Variants in FLVCR1 observed in about 807,000 individuals in gnomAD.
FLVCR1 encodes the protein FLVCR choline and heme transporter 1.
A neutral mutation model predicts 53.6 loss-of-function variants in FLVCR1; 34 were observed. That is an observed-to-expected ratio of 0.63 (90% CI 0.48 to 0.84). FLVCR1 has a LOEUF of 0.84. Ranked by LOEUF, FLVCR1 falls within the 40% of genes least tolerant of loss-of-function variation. The pLI is 0.00. For synonymous variants in FLVCR1, 300 were observed against 286.3 expected (o/e 1.05, Z -0.48); for missense variants, 677 against 696.7 (o/e 0.97, Z 0.32).
intron 2 of FLVCR1, among the ~76,000 whole-genome samples, chr1:212,867,683 A>G (rs17019818): frequency 0.23 from 34,304 of 152,128 alleles, 4,508 homozygotes; most frequent in East Asian, 0.45. Flanking sequence ...TCATGTGTCA[A>G]TTAAAATACT....
At chr1:212,866,458 A>G (rs1347747622) in intron 2 of FLVCR1, among the ~76,000 whole-genome samples, 1 of 140,428 alleles carries the variant, frequency 7.1e-6, no homozygotes, top group Non-Finnish European at 1.5e-5. Flanking sequence ...GTGTCTTCAC[A>G]TAAATTCTGA....
intron 6 of FLVCR1, 140 bp from the exon 7 acceptor site, chr1:212,888,349 G>T: frequency 1.4e-6 from 1 of 709,284 alleles, no homozygotes; most frequent in South Asian, 1.5e-5. Flanking sequence ...AATGATAATA[G>T]TTCCTTACTT....
intron 2 of FLVCR1, 141 bp downstream of exon 2, chr1:212,864,010 A>G (rs1664335557): frequency 1.4e-6 from 1 of 732,038 alleles, no homozygotes; most frequent in South Asian, 1.5e-5. Context: ...TGCTCAGGTA[A>G]TGAATGCTAC....
At chr1:212,873,118 G>A (rs188450690) in intron 3 of FLVCR1, among the ~76,000 whole-genome samples, 160 of 152,174 alleles carry the variant, frequency 1.1e-3, no homozygotes, top group Non-Finnish European at 1.4e-3. Flanking sequence ...GTCAGGACTA[G>A]CATGGTGAAC....
At chr1:212,884,142 A>C (rs577313997) in intron 4 of FLVCR1, among the ~76,000 whole-genome samples, 2 of 152,310 alleles carry the variant, frequency 1.3e-5, no homozygotes, top group Admixed American at 1.3e-4. Context: ...TCTACCAAAA[A>C]TACAAAATTA....
chr1:212,865,777 C>T (rs566545762), intron 2 of FLVCR1, among the ~76,000 whole-genome samples: 26 of 150,866 alleles, frequency 1.7e-4, no homozygotes, highest in African/African-American at 5.4e-4. Context: ...CCACCAGGCC[C>T]GGCCAGCAAT....
chr1:212,888,127 C>A, intron 6 of FLVCR1, 126 bp downstream of exon 6: 1 of 657,012 alleles, frequency 1.5e-6, no homozygotes, highest in Non-Finnish European at 2.7e-6. Context: ...TTAAAGGATT[C>A]ATTCTATGCA....
chr1:212,874,092 C>T (rs923837425), intron 3 of FLVCR1, among the ~76,000 whole-genome samples: 38 of 152,178 alleles, frequency 2.5e-4, no homozygotes, highest in Non-Finnish European at 3.2e-4. Context: ...ATTGCAACCT[C>T]TGCCTCCCGG....
chr1:212,871,904 C>T (rs1664609715), intron 2 of FLVCR1, among the ~76,000 whole-genome samples: 1 of 152,090 alleles, frequency 6.6e-6, no homozygotes, highest in Non-Finnish European at 1.5e-5. Flanking sequence ...TTAGCTCTAC[C>T]CCTGTACTTT....
Position 212,888,015 on chromosome 1 carries a change from G to T in FLVCR1, c.1307+14G>T, listed in dbSNP as rs747174876. The T allele has an allele frequency of 8.8e-6, 12 of 1,363,832 alleles. No individual in the cohort carries two copies. Among genetic ancestry groups the T allele is most frequent in the Admixed American group, 1.7e-5 (1 of 59,678 alleles). 84.5% of individuals were successfully genotyped at this position (1,363,832 alleles called of 1,614,324 possible). ...AGGGGTGCTTGGGTAAGTATCAGAT[G>T]TGTTTAGGAGGAATGATAGCATGCT... On this transcript the variant is annotated intron_variant, in intron 6 of 9. Transcript: ENST00000366971.
rs58243050 is a variant in FLVCR1 at position 212,878,533 on chromosome 1, CAAA to C, written c.1025-4819_1025-4817del. ...TGGGCGACAGAGTGAGTCTCCGTCT[CAAA>C]AAAAAAAAAAAAAAAAAATACAAGA... On this transcript the variant is annotated intron_variant, in intron 3 of 9. Coordinates refer to ENST00000366971, the MANE Select transcript of FLVCR1 (RefSeq NM_014053.4). Among the ~76,000 whole-genome samples the C allele has an allele frequency of 2.3e-3, 254 of 112,814 alleles. 1 individual carries two copies. Among genetic ancestry groups the C allele is most frequent in the African/African-American group, 7.8e-3 (208 of 26,770 alleles). 74.0% of individuals were successfully genotyped at this position (112,814 alleles called of 152,430 possible).
At chr1:212,873,232 G>C (rs758874342) in intron 3 of FLVCR1, among the ~76,000 whole-genome samples, 5 of 151,210 alleles carry the variant, frequency 3.3e-5, no homozygotes, top group Admixed American at 6.6e-5. Context: ...AGAATCGCTT[G>C]AACCTAGAAG....
chr1:212,891,910 C>T (rs1665203608), intron 8 of FLVCR1, among the ~76,000 whole-genome samples: 1 of 152,196 alleles, frequency 6.6e-6, no homozygotes, highest in Non-Finnish European at 1.5e-5. Context: ...AATGATAAAA[C>T]AGCCTATTGA....
chr1:212,860,350 G>GTTTTTTTTTTGTTTTTTTTTTTTTTT (rs1664187293), intron 1 of FLVCR1, among the ~76,000 whole-genome samples: 1 of 85,824 alleles, frequency 1.2e-5, no homozygotes, highest in African/African-American at 3.8e-5. Context: ...TGTGTGTGTG[G>GTTTTTTTTTTGTTTTTTTTTTTTTTT]TTTTTTTTTT....
chr1:212,878,228 C>T (rs185217329), intron 3 of FLVCR1, among the ~76,000 whole-genome samples: 5 of 152,202 alleles, frequency 3.3e-5, no homozygotes, highest in South Asian at 2.1e-4. Flanking sequence ...AGAGACCAGG[C>T]GCGGTGGCTC....
chr1:212,867,418 C>T (rs748500783), intron 2 of FLVCR1, among the ~76,000 whole-genome samples: 1 of 152,140 alleles, frequency 6.6e-6, no homozygotes, highest in Non-Finnish European at 1.5e-5. Context: ...TACCAATATT[C>T]CCATTTTATA....
At position 212,895,018 on chromosome 1, in the gene FLVCR1, A is replaced by G; in HGVS notation, c.1558A>G (p.Ile520Val). Reference protein sequence around the residue: ...LIKSDLRRHNINIGITNVDVK... With the variant: ...LIKSDLRRHNVNIGITNVDVK... ...CAAGTCTGATCTGCGAAGACACAAC[A>G]TAAATATAGGAATTACAAATGTTGA... is the stretch of plus-strand genomic sequence containing the variant. Residue 520 changes from isoleucine to valine, a missense_variant, in exon 9 of 10, where the codon ATA (isoleucine) becomes GTA (valine). Ile to Val is a conservative substitution (Grantham distance 29). Coordinates refer to ENST00000366971, the MANE Select transcript of FLVCR1 (RefSeq NM_014053.4). 6.2e-7 allele frequency: 1 copy of G among 1,602,758 alleles called. No homozygotes were observed. Among genetic ancestry groups the G allele is most frequent in the South Asian group, 1.1e-5 (1 of 90,834 alleles).
chr1:212,866,471 T>C (rs1664434885), intron 2 of FLVCR1, among the ~76,000 whole-genome samples: 1 of 95,830 alleles, frequency 1.0e-5, no homozygotes, highest in African/African-American at 3.0e-5. Flanking sequence ...AATTCTGATT[T>C]TCCTTTTTTT....
intron 8 of FLVCR1, among the ~76,000 whole-genome samples, chr1:212,889,982 G>A (rs928173369): frequency 5.3e-5 from 8 of 151,048 alleles, no homozygotes; most frequent in Non-Finnish European, 7.4e-5. Context: ...CACCTGGGAC[G>A]TGCCTAACAT....
Sources: gnomAD v4.1 joint callset for allele counts (sites outside exome capture counted in the v4.1 genomes callset) on GRCh38, gnomAD v4.1.1 for gene constraint, MANE v1.5 for transcripts, NCBI Gene and HGNC (gene_info 2026-07-23, HGNC 2026-07-21) for gene names.